The following IL1RAPL1 variants were observed in gnomAD, a reference collection of about 807,000 sequenced individuals.
IL1RAPL1 encodes interleukin-1 receptor accessory protein-like 1.
IL1RAPL1 carries 3 observed loss-of-function variants against 48.4 expected under a neutral mutation model. The ratio of observed to expected loss-of-function variants is 0.06; its 90% CI spans 0.03 to 0.16. The LOEUF (loss-of-function observed/expected upper bound fraction) is 0.16, where lower values mean the gene tolerates loss of function less well. Among genes scored for constraint, IL1RAPL1 ranks in the 10% least tolerant of loss-of-function variants. IL1RAPL1 has a pLI of 1.00. For missense variants in IL1RAPL1, 349 were observed against 530.6 expected, an observed-to-expected ratio of 0.66 and a Z score of 3.36; for synonymous variants, 185 against 187.7, an observed-to-expected ratio of 0.99 and a Z score of 0.12.
intron 6 of IL1RAPL1, among the ~76,000 whole-genome samples, chrX:29,766,876 A>G (rs1444138379): frequency 9.3e-6 from 1 of 107,916 alleles, no homozygotes; most frequent in Non-Finnish European, 1.9e-5. Context: ...TTTACTTCTA[A>G]ATGCTTCATC....
At chrX:29,803,449 ATG>A (rs756755434) in intron 6 of IL1RAPL1, among the ~76,000 whole-genome samples, 2 of 95,845 alleles carry the variant, frequency 2.1e-5, no homozygotes, top group South Asian at 4.7e-4. Context: ...CTATGTATAT[ATG>A]TGTGTATATA....
intron 1 of IL1RAPL1, among the ~76,000 whole-genome samples, chrX:28,617,442 A>C (rs1409014594): frequency 3.6e-5 from 4 of 112,153 alleles, no homozygotes; most frequent in Non-Finnish European, 7.5e-5. Flanking sequence ...ATGTATTATC[A>C]ATATGGCCTT....
chrX:29,420,191 C>A (rs1934274165), intron 5 of IL1RAPL1, among the ~76,000 whole-genome samples: 1 of 111,964 alleles, frequency 8.9e-6, no homozygotes, highest in African/African-American at 3.3e-5. Flanking sequence ...AAAAATGAGT[C>A]TCAGTTAAAT....
At chrX:29,642,061 G>T (rs986873886) in intron 5 of IL1RAPL1, among the ~76,000 whole-genome samples, 2 of 112,225 alleles carry the variant, frequency 1.8e-5, no homozygotes, top group African/African-American at 6.5e-5. Context: ...CCTACATCTT[G>T]GAGAGAAACT....
chrX:28,619,439 A>G (rs900018799), intron 1 of IL1RAPL1, among the ~76,000 whole-genome samples: 12 of 108,241 alleles, frequency 1.1e-4, no homozygotes, highest in Non-Finnish European at 2.1e-4. Context: ...TACAAAAACA[A>G]ACAAACAAAC....
At chrX:28,736,449 A>C (rs1347863228) in intron 1 of IL1RAPL1, among the ~76,000 whole-genome samples, 1 of 109,143 alleles carries the variant, frequency 9.2e-6, no homozygotes, top group Admixed American at 9.8e-5. Flanking sequence ...AAAAAAAATG[A>C]TGGCTCATAG....
chrX:29,502,071 T>C (rs1315581809), intron 5 of IL1RAPL1, among the ~76,000 whole-genome samples: 2 of 111,448 alleles, frequency 1.8e-5, no homozygotes, highest in African/African-American at 3.3e-5. Flanking sequence ...CTAGATATTT[T>C]ATATTCTTTG....
At chrX:28,686,841 ATGT>A (rs1471470154) in intron 1 of IL1RAPL1, among the ~76,000 whole-genome samples, 97 of 112,050 alleles carry the variant, frequency 8.7e-4, no homozygotes, top group African/African-American at 2.9e-3. Context: ...ACAGTAAGAG[ATGT>A]TGTGGACAAA....
intron 2 of IL1RAPL1, among the ~76,000 whole-genome samples, chrX:28,985,005 T>C (rs1007032332): frequency 8.9e-6 from 1 of 111,736 alleles, no homozygotes; most frequent in African/African-American, 3.3e-5. Flanking sequence ...AAAAATTGAA[T>C]AATAAATATA....
At chrX:29,423,177 C>A (rs1406421553) in intron 5 of IL1RAPL1, among the ~76,000 whole-genome samples, 1 of 111,861 alleles carries the variant, frequency 8.9e-6, no homozygotes, top group East Asian at 2.8e-4. Context: ...TAAATTCTTT[C>A]CACCAATTGC....
At chrX:28,623,484 G>C (rs1934306456) in intron 1 of IL1RAPL1, among the ~76,000 whole-genome samples, 1 of 111,539 alleles carries the variant, frequency 9.0e-6, no homozygotes, top group African/African-American at 3.3e-5. Flanking sequence ...CAGCAGGACA[G>C]GCAGATTCAG....
At chrX:28,975,026 A>G (rs774085571) in intron 2 of IL1RAPL1, among the ~76,000 whole-genome samples, 1 of 112,352 alleles carries the variant, frequency 8.9e-6, no homozygotes, top group African/African-American at 3.2e-5. Context: ...AAGACATTCA[A>G]TTATAAATGT....
At chrX:28,794,551 A>G (rs1052136826) in intron 2 of IL1RAPL1, among the ~76,000 whole-genome samples, 1 of 111,725 alleles carries the variant, frequency 9.0e-6, no homozygotes, top group Non-Finnish European at 1.9e-5. Flanking sequence ...AATTTCATCT[A>G]TATAAAAGCT....
chrX:28,693,565 A>G (rs1478756155), intron 1 of IL1RAPL1, among the ~76,000 whole-genome samples: 1 of 112,392 alleles, frequency 8.9e-6, no homozygotes, highest in Non-Finnish European at 1.9e-5. Flanking sequence ...CAATTTGACG[A>G]GCCCCTGCTT....
At chrX:28,617,098 A>G (rs1227750969) in intron 1 of IL1RAPL1, among the ~76,000 whole-genome samples, 1 of 112,633 alleles carries the variant, frequency 8.9e-6, no homozygotes, top group Non-Finnish European at 1.9e-5. Flanking sequence ...AATAAAAACA[A>G]AACCAACAGT....
chrX:28,619,014 T>C (rs1934252970), intron 1 of IL1RAPL1, among the ~76,000 whole-genome samples: 1 of 112,014 alleles, frequency 8.9e-6, no homozygotes, highest in South Asian at 3.7e-4. Context: ...GTGCCAGTGG[T>C]ATGTGACTCC....
intron 3 of IL1RAPL1, among the ~76,000 whole-genome samples, chrX:29,319,364 A>ATTTTTTTTTTTGTTTTT (rs1932786219): frequency 1.7e-5 from 1 of 58,137 alleles, no homozygotes; most frequent in Non-Finnish European, 3.1e-5. Context: ...GATAAATTTA[A>ATTTTTTTTTTTGTTTTT]TTTTTTTTTT....
At chrX:28,699,306 A>G (rs929146512) in intron 1 of IL1RAPL1, among the ~76,000 whole-genome samples, 2 of 112,210 alleles carry the variant, frequency 1.8e-5, no homozygotes, top group Non-Finnish European at 3.8e-5. Flanking sequence ...CCTTGAACAC[A>G]TTCAGCAGAC....
intron 2 of IL1RAPL1, among the ~76,000 whole-genome samples, chrX:29,050,915 A>G (rs758161597): frequency 1.8e-5 from 2 of 112,580 alleles, no homozygotes; most frequent in South Asian, 3.6e-4. Flanking sequence ...TTGAGAATCA[A>G]TGAAAAAAGT....
Sources: allele counts gnomAD v4.1 joint callset (sites outside exome capture counted in the v4.1 genomes callset), GRCh38; gene constraint gnomAD v4.1.1; transcripts MANE v1.5; gene names NCBI Gene and HGNC (gene_info 2026-07-23, HGNC 2026-07-21).